The following MRPS27 variants were observed in gnomAD, a reference collection of about 807,000 sequenced individuals.
The protein encoded by MRPS27 is mitochondrial ribosomal protein S27.
A neutral mutation model predicts 48.9 loss-of-function variants in MRPS27; 43 were observed. That is an observed-to-expected ratio of 0.88 (90% CI 0.69 to 1.13). MRPS27 has a LOEUF of 1.13. Ranked by LOEUF, MRPS27 falls within the 50% of genes most tolerant of loss-of-function variation. The pLI is 0.00. For synonymous variants in MRPS27, 188 were observed against 171.9 expected, an observed-to-expected ratio of 1.09 and a Z score of -0.73; for missense variants, 467 against 476.3, an observed-to-expected ratio of 0.98 and a Z score of 0.18.
At chr5:72,237,792 C>T (rs1424239565) in intron 5 of MRPS27, among the ~76,000 whole-genome samples, 3 of 151,878 alleles carry the variant, frequency 2.0e-5, no homozygotes, top group South Asian at 2.1e-4. Context: ...TATACCTGTC[C>T]TTTTCTGAGT....
intron 2 of MRPS27, among the ~76,000 whole-genome samples, chr5:72,303,882 C>CA (rs397818748): frequency 0.14 from 9,674 of 68,978 alleles, 863 homozygotes; most frequent in East Asian, 0.32. Flanking sequence ...GACCTCATCT[C>CA]AAAAAAAAAA....
chr5:72,289,684 G>A (rs1207094791), intron 4 of MRPS27, among the ~76,000 whole-genome samples: 1 of 152,056 alleles, frequency 6.6e-6, no homozygotes, highest in Admixed American at 6.6e-5. Flanking sequence ...CAAGTGCTGG[G>A]ATTACAGGCA....
intron 4 of MRPS27, among the ~76,000 whole-genome samples, chr5:72,280,667 A>G (rs959019607): frequency 6.6e-6 from 1 of 152,216 alleles, no homozygotes; most frequent in Non-Finnish European, 1.5e-5. Context: ...CAAAACTAAA[A>G]TCTCTGGAAG....
At chr5:72,301,148 C>CT (rs1369820259) in intron 2 of MRPS27, among the ~76,000 whole-genome samples, 3 of 152,264 alleles carry the variant, frequency 2.0e-5, no homozygotes, top group East Asian at 3.9e-4. Context: ...TTTTTCCTCT[C>CT]TTTTTTCCCT....
At chr5:72,250,559 G>C (rs1057095805) in intron 4 of MRPS27, among the ~76,000 whole-genome samples, 2 of 152,178 alleles carry the variant, frequency 1.3e-5, no homozygotes, top group African/African-American at 4.8e-5. Context: ...ACAAAGTGCT[G>C]CTCTGTGTTT....
chr5:72,311,692 C>G (rs1341221383), intron 2 of MRPS27, among the ~76,000 whole-genome samples: 1 of 152,220 alleles, frequency 6.6e-6, no homozygotes, highest in East Asian at 1.9e-4. Context: ...CCAGATGCCA[C>G]CCCTCAACGC....
At position 72,280,307 on chromosome 5, in the gene MRPS27, CACTT is replaced by C. The variant is rs1749501785; in HGVS notation, c.281+15220_281+15223del. Among the ~76,000 whole-genome samples the C allele has an allele frequency of 2.6e-5, 4 of 152,258 alleles. No individual in the cohort carries two copies. The South Asian group carries it at 8.3e-4, about 32-fold the overall frequency. On this transcript the variant is annotated intron_variant, in intron 4 of 10. Coordinates refer to ENST00000261413, the MANE Select transcript of MRPS27 (RefSeq NM_015084.3). ...CACTGAATTTATAGATGAAATGTGA[CACTT>C]ACTGTTTAATAGTTTAAAACAAATA...
At chr5:72,233,643 TA>T (rs1748118853) in intron 6 of MRPS27, among the ~76,000 whole-genome samples, 1 of 152,040 alleles carries the variant, frequency 6.6e-6, no homozygotes, top group Admixed American at 6.6e-5. Flanking sequence ...GCAGACCAGG[TA>T]GTCATCTAAT....
intron 2 of MRPS27, among the ~76,000 whole-genome samples, chr5:72,308,981 AG>A (rs1750361810): frequency 6.6e-6 from 1 of 152,222 alleles, no homozygotes; most frequent in Admixed American, 6.5e-5. Context: ...CGAGTGTGAC[AG>A]CTGAAAGCCG....
chr5:72,297,739 GA>G, intron 2 of MRPS27, 37 bp from the exon 3 acceptor site: 1 of 1,381,730 alleles, frequency 7.2e-7, no homozygotes. Flanking sequence ...CCTTGTTAAA[GA>G]TACATATTTT....
intron 4 of MRPS27, among the ~76,000 whole-genome samples, chr5:72,293,294 TAAA>T (rs77853796): frequency 2.9e-5 from 4 of 137,692 alleles, no homozygotes; most frequent in Non-Finnish European, 6.3e-5. Context: ...ATTTCTGTCT[TAAA>T]AAAAAAAAAA....
intron 4 of MRPS27, among the ~76,000 whole-genome samples, chr5:72,258,784 T>C (rs895587418): frequency 2.9e-4 from 44 of 152,222 alleles, no homozygotes; most frequent in Non-Finnish European, 3.1e-4. Flanking sequence ...ATCTCTGTTA[T>C]TGATAAACTA....
intron 2 of MRPS27, among the ~76,000 whole-genome samples, chr5:72,301,999 C>T (rs1750137001): frequency 6.6e-6 from 1 of 152,170 alleles, no homozygotes. Context: ...AAAGAAGATA[C>T]TTTTTTGCTT....
rs10607023 is a variant in MRPS27 at position 72,247,910 on chromosome 5, CATA to C, written c.282-9785_282-9783del. ...AGAAATTACTTGACAGTTTTTGGAA[CATA>C]ATGACTATTTGTAGTTTAAAAAGGA... On this transcript the variant is annotated intron_variant, in intron 4 of 10. Coordinates refer to ENST00000261413, the MANE Select transcript of MRPS27 (RefSeq NM_015084.3). Among the ~76,000 whole-genome samples the C allele has an allele frequency of 3.7e-3, 568 of 152,208 alleles. 1 individual carries two copies. Among genetic ancestry groups the C allele is most frequent in the African/African-American group, 0.013 (552 of 41,530 alleles).
rs180902760 is a variant in MRPS27 at position 72,223,868 on chromosome 5, G to A, written c.838-18C>T. ...ACATCGAGCTGTGGAGCAGAAAGAG[G>A]GTCAGCAACCAAATGTTTTATGGCC... On this transcript the variant is annotated intron_variant, in intron 9 of 10. Coordinates refer to ENST00000261413, the MANE Select transcript of MRPS27 (RefSeq NM_015084.3). 2 of 1,608,312 alleles carry A rather than the reference G, an allele frequency of 1.2e-6. No individual in the cohort carries two copies.
chr5:72,276,676 G>GC (rs1749382044), intron 4 of MRPS27, among the ~76,000 whole-genome samples: 1 of 151,542 alleles, frequency 6.6e-6, no homozygotes, highest in African/African-American at 2.4e-5. Context: ...TCTGACAAAG[G>GC]TCTAATATCC....
intron 4 of MRPS27, among the ~76,000 whole-genome samples, chr5:72,273,711 A>G (rs1167705487): frequency 6.6e-6 from 1 of 152,232 alleles, no homozygotes. Flanking sequence ...CCATGAATAG[A>G]GCTTGTAGCA....
At chr5:72,232,646 G>T in intron 6 of MRPS27, 88 bp from the exon 7 acceptor site, 2 of 885,966 alleles carry the variant, frequency 2.3e-6, no homozygotes, top group African/African-American at 1.7e-5. Flanking sequence ...CTCTTAAAAC[G>T]TGGGGCATGG....
chr5:72,272,585 A>G (rs1323157608), intron 4 of MRPS27, among the ~76,000 whole-genome samples: 1 of 152,202 alleles, frequency 6.6e-6, no homozygotes, highest in Non-Finnish European at 1.5e-5. Flanking sequence ...TCACTGGCAG[A>G]GGAATTCTGC....
Sources: allele counts gnomAD v4.1 joint callset (sites outside exome capture counted in the v4.1 genomes callset), GRCh38; gene constraint gnomAD v4.1.1; transcripts MANE v1.5; gene names NCBI Gene and HGNC (gene_info 2026-07-23, HGNC 2026-07-21).